The following CALN1 variants were observed in gnomAD, a reference collection of about 807,000 sequenced individuals.
The protein encoded by CALN1 is calcium-binding protein 8.
A neutral mutation model predicts 30.6 loss-of-function variants in CALN1; 17 were observed. That is an observed-to-expected ratio of 0.56 (90% CI 0.38 to 0.83). CALN1 has a LOEUF of 0.83. Among genes scored for constraint, CALN1 ranks in the 40% least tolerant of loss-of-function variants. The probability of loss-of-function intolerance (pLI) is 0.00; values close to 1 mark genes in which losing one functional copy is unlikely to be tolerated. For missense variants in CALN1, 291 were observed against 354.9 expected, an observed-to-expected ratio of 0.82 and a Z score of 1.45; for synonymous variants, 156 against 131.4, an observed-to-expected ratio of 1.19 and a Z score of -1.28.
chr7:72,010,556 A>C (rs530277536), intron 5 of CALN1, among the ~76,000 whole-genome samples: 39 of 152,292 alleles, frequency 2.6e-4, no homozygotes, highest in African/African-American at 9.1e-4. Context: ...TCACATCTGT[A>C]ATCTCAGCAC....
At chr7:72,392,068 T>C (rs1365786992) in intron 2 of CALN1, among the ~76,000 whole-genome samples, 1 of 152,214 alleles carries the variant, frequency 6.6e-6, no homozygotes, top group Non-Finnish European at 1.5e-5. Flanking sequence ...GAAGGCTCAC[T>C]GAGATGCTCC....
intron 5 of CALN1, among the ~76,000 whole-genome samples, chr7:71,995,154 C>G (rs1799189780): frequency 6.6e-6 from 1 of 152,118 alleles, no homozygotes; most frequent in African/African-American, 2.4e-5. Flanking sequence ...GCCTGGCGCC[C>G]CTTCCTAATT....
At chr7:72,110,475 C>G (rs1309029733) in intron 3 of CALN1, among the ~76,000 whole-genome samples, 1 of 152,188 alleles carries the variant, frequency 6.6e-6, no homozygotes, top group African/African-American at 2.4e-5. Context: ...CCCAGGACAG[C>G]GCAGGCCACA....
chr7:72,356,519 G>C (rs149282874), intron 2 of CALN1, among the ~76,000 whole-genome samples: 18 of 151,938 alleles, frequency 1.2e-4, no homozygotes, highest in Non-Finnish European at 1.8e-4. Context: ...GCGGTCTCTA[G>C]GGATATCACT....
chr7:72,017,158 T>G (rs1326793110), intron 5 of CALN1, among the ~76,000 whole-genome samples: 1 of 133,766 alleles, frequency 7.5e-6, no homozygotes, highest in Non-Finnish European at 1.5e-5. Flanking sequence ...AGAGAGACTC[T>G]GTCTCAAAAA....
Position 72,134,774 on chromosome 7 carries a change from A to G in CALN1, c.245-28480T>C, listed in dbSNP as rs558304074. On this transcript the variant is annotated intron_variant, in intron 3 of 6. Coordinates refer to ENST00000395275, the MANE Select transcript of CALN1 (RefSeq NM_031468.4). ...GACAACAATGAATTTGGCCGCACAT[A>G]GATGGACTCTTCATTTCATAAAAAA... Among the ~76,000 whole-genome samples, 83 of 152,288 alleles carry G rather than the reference A, an allele frequency of 5.5e-4. 1 individual carries two copies. The highest frequency in any genetic ancestry group is 5.4e-3 in the Admixed American group (82 of 15,292).
chr7:72,439,691 C>T (rs1057401633), intron 1 of CALN1, among the ~76,000 whole-genome samples: 13 of 152,012 alleles, frequency 8.6e-5, no homozygotes, highest in African/African-American at 3.1e-4. Context: ...AATTCTCTAC[C>T]TCAGCCTCCT....
At chr7:72,354,727 A>C (rs949009989) in intron 2 of CALN1, among the ~76,000 whole-genome samples, 1 of 152,174 alleles carries the variant, frequency 6.6e-6, no homozygotes, top group Non-Finnish European at 1.5e-5. Flanking sequence ...GTTCTGCTGG[A>C]ATAACTGGAT....
chr7:72,192,689 G>A (rs1260118321), intron 3 of CALN1, among the ~76,000 whole-genome samples: 3 of 148,796 alleles, frequency 2.0e-5, no homozygotes, highest in Non-Finnish European at 4.5e-5. Flanking sequence ...TAAGTTTTAG[G>A]GTACATGTGC....
intron 3 of CALN1, among the ~76,000 whole-genome samples, chr7:72,189,294 A>G (rs1790435073): frequency 6.6e-6 from 1 of 152,160 alleles, no homozygotes; most frequent in South Asian, 2.1e-4. Context: ...TTCTAAAGTA[A>G]TATCCGTGTA....
intron 5 of CALN1, among the ~76,000 whole-genome samples, chr7:71,858,478 A>G (rs1241277875): frequency 6.6e-6 from 1 of 151,500 alleles, no homozygotes; most frequent in African/African-American, 2.4e-5. Context: ...TTCTGTTCCT[A>G]TACAAGATAG....
At chr7:71,953,769 C>T (rs775873423) in intron 5 of CALN1, among the ~76,000 whole-genome samples, 6 of 151,972 alleles carry the variant, frequency 3.9e-5, no homozygotes, top group African/African-American at 7.2e-5. Context: ...AAGCAGAGGA[C>T]CAGTTTCCAT....
chr7:71,836,897 C>A (rs928102040), intron 5 of CALN1, among the ~76,000 whole-genome samples: 1 of 148,940 alleles, frequency 6.7e-6, no homozygotes, highest in African/African-American at 2.4e-5. Context: ...GGATTACAGG[C>A]GTGAGCCACC....
At chr7:71,870,382 A>G (rs989988553) in intron 5 of CALN1, among the ~76,000 whole-genome samples, 51 of 99,896 alleles carry the variant, frequency 5.1e-4, no homozygotes, top group Middle Eastern at 4.0e-3. Flanking sequence ...AACTCCATCT[A>G]AAAAAAAAAA....
intron 2 of CALN1, among the ~76,000 whole-genome samples, chr7:72,345,333 G>T (rs1160080080): frequency 7.4e-6 from 1 of 135,738 alleles, no homozygotes; most frequent in African/African-American, 2.7e-5. Context: ...AGGAAAGAAA[G>T]AAGAAAGTGG....
intron 5 of CALN1, among the ~76,000 whole-genome samples, chr7:72,021,725 C>T (rs1460076976): frequency 1.3e-5 from 2 of 152,170 alleles, no homozygotes; most frequent in Non-Finnish European, 1.5e-5. Flanking sequence ...CACCTTCCCT[C>T]GGTGAGCTCA....
Position 71,922,297 on chromosome 7 carries a change from T to G in CALN1, c.501+101360A>C, listed in dbSNP as rs1007021314. Among the ~76,000 whole-genome samples, 3 of 152,104 alleles carry G rather than the reference T, an allele frequency of 2.0e-5. No individual in the cohort carries two copies. The South Asian group carries it at 6.2e-4, about 32-fold the overall frequency. Reference sequence around the variant, plus strand: ...AACTTGGCATGGCAATGTGCCTGTATACATTGAGCAAGAATTAACTGCCTC... The same window carrying G: ...AACTTGGCATGGCAATGTGCCTGTAGACATTGAGCAAGAATTAACTGCCTC... On this transcript the variant is annotated intron_variant, in intron 5 of 6. Coordinates refer to ENST00000395275, the MANE Select transcript of CALN1 (RefSeq NM_031468.4).
intron 5 of CALN1, among the ~76,000 whole-genome samples, chr7:71,963,579 A>G (rs1184731015): frequency 6.6e-6 from 1 of 152,176 alleles, no homozygotes; most frequent in African/African-American, 2.4e-5. Context: ...TGCTGGGATT[A>G]CAGGTATGAG....
At chr7:71,851,534 GTATA>G (rs916149783) in intron 5 of CALN1, among the ~76,000 whole-genome samples, 2 of 150,662 alleles carry the variant, frequency 1.3e-5, no homozygotes, top group Admixed American at 1.3e-4. Context: ...GAAAAAAACA[GTATA>G]TATATACATA....
Sources: allele counts gnomAD v4.1 joint callset (sites outside exome capture counted in the v4.1 genomes callset), GRCh38; gene constraint gnomAD v4.1.1; transcripts MANE v1.5; gene names NCBI Gene and HGNC (gene_info 2026-07-23, HGNC 2026-07-21).